The following FAM20C variants were observed in gnomAD, a reference collection of about 807,000 sequenced individuals.
The protein encoded by FAM20C is extracellular serine/threonine protein kinase FAM20C.
A neutral mutation model predicts 51.5 loss-of-function variants in FAM20C; 40 were observed. The ratio of observed to expected loss-of-function variants is 0.78; its 90% confidence interval spans 0.60 to 1.01. The LOEUF (loss-of-function observed/expected upper bound fraction) is 1.01. Among genes scored for constraint, FAM20C ranks in the 50% least tolerant of loss-of-function variants. The pLI, the probability that FAM20C is intolerant of heterozygous loss-of-function variation, is 0.00. For missense variants in FAM20C, 861 were observed against 844.7 expected (o/e 1.02, Z -0.24); for synonymous variants, 406 against 380.6 (o/e 1.07, Z -0.78).
chr7:249,169 C>T (rs1210634534), intron 5 of FAM20C, among the ~76,000 whole-genome samples: 1 of 152,258 alleles, frequency 6.6e-6, no homozygotes, highest in Non-Finnish European at 1.5e-5. Context: ...GGGACCTCCC[C>T]ACTCGGACTT....
At position 234,323 on chromosome 7, in the gene FAM20C, G is replaced by T. The variant is rs925568777; in HGVS notation, c.864-12092G>T. On this transcript the variant is annotated intron_variant, in intron 3 of 9. Coordinates refer to ENST00000313766, the MANE Select transcript of FAM20C (RefSeq NM_020223.4). ...AGGGCGACAAGCCCAGTCGGGAGTT[G>T]TGAAGTCAGCCTTTAAAAGTCTTCC... Among the ~76,000 whole-genome samples, 290 of 152,384 alleles carry T rather than the reference G, an allele frequency of 1.9e-3. 3 individuals carry two copies. The highest frequency in any genetic ancestry group is 6.6e-3 in the African/African-American group (274 of 41,590).
chr7:217,428 A>ACTCCAGCCCCTCCCGGG (rs71016859), intron 3 of FAM20C, among the ~76,000 whole-genome samples: 28 of 151,774 alleles, frequency 1.8e-4, no homozygotes, highest in African/African-American at 3.1e-4. Flanking sequence ...GTAGAGCTGC[A>ACTCCAGCCCCTCCCGGG]TTTGGCTGTT....
intron 3 of FAM20C, among the ~76,000 whole-genome samples, chr7:231,847 C>T (rs1787702115): frequency 6.6e-6 from 1 of 152,128 alleles, no homozygotes; most frequent in Non-Finnish European, 1.5e-5. Flanking sequence ...GTGTTTGACC[C>T]ACCCCTCTTT....
In FAM20C at chr7:218,573, A is replaced by G. The variant is rs1305984733; in HGVS notation, c.863+9597A>G. On this transcript the variant is annotated intron_variant, in intron 3 of 9. Transcript: ENST00000313766. ...GGGTCTGAGTGACAAGTGTGTGGGC[A>G]TCGTTGTGCGGCCTCACCACCGCTC... is the stretch of plus-strand genomic sequence containing the variant. 3.3e-5 allele frequency among the ~76,000 whole-genome samples: 5 copies of G among 152,078 alleles called. No homozygotes were observed. The South Asian group carries it at 6.2e-4, about 19-fold the overall frequency.
intron 3 of FAM20C, among the ~76,000 whole-genome samples, chr7:241,671 C>G (rs1190816663): frequency 2.0e-5 from 3 of 151,710 alleles, no homozygotes; most frequent in African/African-American, 7.3e-5. Flanking sequence ...AATGTGTGTA[C>G]GCACATGTAT....
At chr7:226,556 G>A (rs891327493) in intron 3 of FAM20C, among the ~76,000 whole-genome samples, 5 of 152,096 alleles carry the variant, frequency 3.3e-5, no homozygotes, top group Non-Finnish European at 5.9e-5. Context: ...CCCCCCGGTC[G>A]TGGCCCCGAT....
chr7:230,992 C>T (rs961653032), intron 3 of FAM20C, among the ~76,000 whole-genome samples: 10 of 152,068 alleles, frequency 6.6e-5, no homozygotes, highest in Admixed American at 1.3e-4. Context: ...GTGGGAGTTT[C>T]GCCTGAGCCC....
intron 1 of FAM20C, 143 bp from the exon 2 acceptor site, chr7:195,411 C>G: frequency 1.4e-6 from 1 of 703,744 alleles, no homozygotes; most frequent in South Asian, 3.9e-5. Flanking sequence ...TTGCAGGGCC[C>G]TCTTTAAGCA....
intron 3 of FAM20C, among the ~76,000 whole-genome samples, chr7:212,462 CAA>C (rs1192676729): frequency 4.7e-5 from 7 of 149,014 alleles, no homozygotes; most frequent in African/African-American, 7.4e-5. Context: ...GACTCCGTCT[CAA>C]AAAAAAAAGT....
intron 3 of FAM20C, among the ~76,000 whole-genome samples, chr7:240,699 A>G (rs1787920394): frequency 6.6e-6 from 1 of 152,198 alleles, no homozygotes; most frequent in Non-Finnish European, 1.5e-5. Flanking sequence ...TTGGCCAGGC[A>G]TGTGATCCAG....
At chr7:257,873 T>G (rs796164943) in intron 8 of FAM20C, among the ~76,000 whole-genome samples, 23 of 33,406 alleles carry the variant, frequency 6.9e-4, no homozygotes, top group South Asian at 1.7e-3. Context: ...GAGATGGGGC[T>G]GGGTGGACCC....
At chr7:205,135 C>T (rs988430267) in intron 2 of FAM20C, among the ~76,000 whole-genome samples, 7 of 152,352 alleles carry the variant, frequency 4.6e-5, no homozygotes, top group South Asian at 2.1e-4. Flanking sequence ...CAGGCGTCCA[C>T]GTCCTGAGCC....
At chr7:206,821 T>C (rs370902334) in intron 2 of FAM20C, among the ~76,000 whole-genome samples, 4 of 104,896 alleles carry the variant, frequency 3.8e-5, no homozygotes, top group South Asian at 3.5e-4. Context: ...TCGGTCACTG[T>C]CCCCTCGGCC....
At chr7:249,609 G>A (rs958289249) in intron 5 of FAM20C, among the ~76,000 whole-genome samples, 38 of 152,148 alleles carry the variant, frequency 2.5e-4, no homozygotes, top group East Asian at 7.7e-4. Flanking sequence ...CCGTGGTGGC[G>A]CTTATCTGTG....
intron 8 of FAM20C, 192 bp downstream of exon 8, chr7:257,278 G>T: frequency 1.7e-6 from 1 of 604,186 alleles, no homozygotes; most frequent in East Asian, 2.8e-5. Flanking sequence ...GGCCGCCCCG[G>T]GAGTGGGACC....
At chr7:252,679 G>A (rs1261802632) in intron 5 of FAM20C, among the ~76,000 whole-genome samples, 1 of 152,148 alleles carries the variant, frequency 6.6e-6, no homozygotes, top group Non-Finnish European at 1.5e-5. Flanking sequence ...CCAGTGCTCG[G>A]GGAAGGTGGG....
chr7:241,550 T>TG (rs1787945748), intron 3 of FAM20C, among the ~76,000 whole-genome samples: 1 of 139,570 alleles, frequency 7.2e-6, no homozygotes, highest in East Asian at 2.0e-4. Context: ...CACTGTTCTG[T>TG]GGGGGTTGTG....
At chr7:247,841 C>T (rs924406297) in intron 4 of FAM20C, among the ~76,000 whole-genome samples, 1 of 152,210 alleles carries the variant, frequency 6.6e-6, no homozygotes, top group African/African-American at 2.4e-5. Context: ...TCGGCCCTGG[C>T]AGACGGCCCA....
In FAM20C at chr7:248,330, C is replaced by T. The variant is rs1484334286; in HGVS notation, c.972C>T (p.Arg324=). 1.5e-5 allele frequency: 23 copies of T among 1,535,862 alleles called. No individual in the cohort carries two copies. The highest frequency in any genetic ancestry group is 9.5e-5 in the South Asian group (8 of 84,054). The change falls in exon 5 of 10, where the codon CGC becomes CGT. Residue 324 remains arginine (R), a synonymous_variant. Coordinates refer to ENST00000313766, the MANE Select transcript of FAM20C (RefSeq NM_020223.4). ...TTCTTGCCAGGATCCTGGACTTCCG[C>T]CGGGTCCCTCCCGTGGCCGGCAGGA... The part of the protein sequence containing the change: ...AFHLDRILDF[R]RVPPVAGRMV...
Sources: gnomAD v4.1 joint callset for allele counts (sites outside exome capture counted in the v4.1 genomes callset) on GRCh38, gnomAD v4.1.1 for gene constraint, MANE v1.5 for transcripts, NCBI Gene and HGNC (gene_info 2026-07-23, HGNC 2026-07-21) for gene names.